PCSK5: variants seen among roughly 807,000 people sequenced by gnomAD.
PCSK5 encodes the protein proprotein convertase subtilisin/kexin type 5.
A neutral mutation model predicts 233.2 loss-of-function variants in PCSK5; 129 were observed. The ratio of observed to expected loss-of-function variants is 0.55; its 90% CI spans 0.48 to 0.64. The LOEUF is 0.64. Among genes scored for constraint, PCSK5 ranks in the 30% least tolerant of loss-of-function variants. The pLI, the probability that PCSK5 is intolerant of heterozygous loss-of-function variation, is 0.00. For missense variants in PCSK5, 2,076 were observed against 2,430.1 expected (o/e 0.85, Z 3.06); for synonymous variants, 825 against 879.2 (o/e 0.94, Z 1.09).
chr9:76,035,125 G>T (rs1828807218), intron 5 of PCSK5, among the ~76,000 whole-genome samples: 1 of 152,098 alleles, frequency 6.6e-6, no homozygotes, highest in Non-Finnish European at 1.5e-5. Context: ...TTCTTCTCAG[G>T]TTATCTATTA....
Position 75,932,444 on chromosome 9 carries a change from G to A in PCSK5, c.258G>A (p.Ser86=), listed in dbSNP as rs753996764. 6.1e-5 allele frequency: 98 copies of A among 1,612,810 alleles called. No homozygotes were observed. The Middle Eastern group carries it at 6.6e-4, about 11-fold the overall frequency. ...HSRTIKRSVI[S]SRGTHSFISM... ...GGACGATTAAAAGGTCAGTTATCTCGAGCAGAGGGACCCACAGTTTCATTT... is the reference window on the plus strand; with the variant it reads ...GGACGATTAAAAGGTCAGTTATCTCAAGCAGAGGGACCCACAGTTTCATTT... The change falls in exon 2 of 38, where the codon TCG becomes TCA. Residue 86 remains serine (S), a synonymous_variant. Transcript: ENST00000674117.
intron 22 of PCSK5, among the ~76,000 whole-genome samples, chr9:76,238,168 G>A (rs1826310228): frequency 6.6e-6 from 1 of 152,194 alleles, no homozygotes; most frequent in Non-Finnish European, 1.5e-5. Flanking sequence ...GGTGGGAGTA[G>A]GAGACCTCTA....
intron 3 of PCSK5, among the ~76,000 whole-genome samples, chr9:75,998,397 A>T (rs1050453412): frequency 2.0e-5 from 3 of 152,192 alleles, no homozygotes; most frequent in Admixed American, 2.0e-4. Flanking sequence ...GCTTACTTTG[A>T]ATCAGGTGGT....
intron 8 of PCSK5, among the ~76,000 whole-genome samples, chr9:76,098,176 T>G (rs1472254895): frequency 2.0e-5 from 3 of 152,218 alleles, no homozygotes; most frequent in Non-Finnish European, 4.4e-5. Flanking sequence ...TGTAGATTGA[T>G]TTAGGTAAAA....
intron 24 of PCSK5, among the ~76,000 whole-genome samples, chr9:76,267,737 G>C (rs538186224): frequency 2.0e-5 from 3 of 152,182 alleles, no homozygotes; most frequent in Non-Finnish European, 4.4e-5. Flanking sequence ...GAACCATTTA[G>C]ATGAAGTATG....
At position 76,249,488 on chromosome 9, in the gene PCSK5, A is replaced by T. The variant is rs148399583; in HGVS notation, c.3142+8804A>T. Among the ~76,000 whole-genome samples, 749 of 152,344 alleles carry T rather than the reference A, an allele frequency of 4.9e-3. 7 individuals are homozygous for T. The highest frequency in any genetic ancestry group is 0.017 in the African/African-American group (720 of 41,568). ...AGTATTTTTATTTTTATTTTGAGAC[A>T]GTGCTCTATGTCTGAAGTGCTCTGT... On this transcript the variant is annotated intron_variant, in intron 24 of 37. Transcript: ENST00000674117.
intron 7 of PCSK5, among the ~76,000 whole-genome samples, chr9:76,081,484 CAAATAAATAAAT>C (rs927683255): frequency 6.7e-5 from 10 of 149,570 alleles, no homozygotes; most frequent in Non-Finnish European, 4.5e-5. Flanking sequence ...AACAAACAAA[CAAATAAATAAAT>C]AAATAAATAC....
At chr9:75,920,316 TG>T (rs1292217831) in intron 1 of PCSK5, among the ~76,000 whole-genome samples, 9 of 151,972 alleles carry the variant, frequency 5.9e-5, no homozygotes, top group Non-Finnish European at 1.3e-4. Context: ...TTTTAAGAGG[TG>T]GGGGTCTCTA....
At chr9:75,990,188 G>C (rs1456462672) in intron 3 of PCSK5, among the ~76,000 whole-genome samples, 1 of 152,126 alleles carries the variant, frequency 6.6e-6, no homozygotes. Flanking sequence ...CTTTTCCTGA[G>C]CCCTGAGCTG....
chr9:75,964,014 A>G lies in PCSK5; in HGVS notation c.298-22118A>G, dbSNP rs548855592. Among the ~76,000 whole-genome samples, 268 of 152,330 alleles carry G rather than the reference A, an allele frequency of 1.8e-3. 2 individuals carry two copies. Among genetic ancestry groups the G allele is most frequent in the Admixed American group, 7.5e-3 (115 of 15,300 alleles). ...TGGACACTTTGCTTAACCTTTTTGA[A>G]TCTCAGTTTCTCTATCTGGAAAATG... is the stretch of plus-strand genomic sequence containing the variant. On this transcript the variant is annotated intron_variant, in intron 2 of 37. Transcript: ENST00000674117.
At chr9:76,093,221 A>C (rs1171182650) in intron 7 of PCSK5, among the ~76,000 whole-genome samples, 1 of 151,632 alleles carries the variant, frequency 6.6e-6, no homozygotes, top group Non-Finnish European at 1.5e-5. Context: ...CAGCCCCTAA[A>C]ATAGCTGAGA....
Position 76,358,074 on chromosome 9 carries a change from A to C in PCSK5, c.5255-439A>C, listed in dbSNP as rs149090946. Among the ~76,000 whole-genome samples the C allele has an allele frequency of 4.1e-3, 617 of 152,322 alleles. 1 individual carries two copies. Among genetic ancestry groups the C allele is most frequent in the Non-Finnish European group, 6.7e-3 (458 of 68,034 alleles). On this transcript the variant is annotated intron_variant, in intron 37 of 37. Transcript: ENST00000674117. ...TTGGACACCTGGTGACTGACCTACG[A>C]GGTATGGGGATAAGGGAACTCCCTT... is the stretch of plus-strand genomic sequence containing the variant.
chr9:76,289,512 CAACA>C (rs1828211350), intron 24 of PCSK5, among the ~76,000 whole-genome samples: 1 of 79,960 alleles, frequency 1.3e-5, no homozygotes, highest in Admixed American at 1.2e-4. Context: ...CACACACACG[CAACA>C]TACACACACA....
chr9:76,113,401 C>A (rs1397786721), intron 9 of PCSK5, among the ~76,000 whole-genome samples: 1 of 152,162 alleles, frequency 6.6e-6, no homozygotes, highest in Admixed American at 6.5e-5. Flanking sequence ...TCTTGTAAAC[C>A]TAAAAAGTCC....
rs149423204 is a variant in PCSK5 at position 76,239,362 on chromosome 9, C to A, written c.3073+197C>A. 5.9e-5 allele frequency among the ~76,000 whole-genome samples: 9 copies of A among 152,252 alleles called. No homozygotes were observed. The East Asian group carries it at 1.7e-3, about 29-fold the overall frequency. ...GTTCACACACCCTTTCTCTGGGTTT[C>A]CTCAGATATAATCCAAGGTCATAGG... On this transcript the variant is annotated intron_variant, in intron 23 of 37. Coordinates refer to ENST00000674117, the MANE Select transcript of PCSK5 (RefSeq NM_001372043.1).
chr9:76,269,789 A>AT (rs1827451413), intron 24 of PCSK5, among the ~76,000 whole-genome samples: 1 of 152,222 alleles, frequency 6.6e-6, no homozygotes, highest in African/African-American at 2.4e-5. Context: ...CAAGAGAAAC[A>AT]TTTTTGAAGA....
At chr9:75,947,440 C>T (rs2275557) in intron 2 of PCSK5, among the ~76,000 whole-genome samples, 4,421 of 151,954 alleles carry the variant, frequency 0.029, 94 homozygotes, top group Middle Eastern at 0.085. Context: ...TTAATCCTTT[C>T]GCAAAGCTAA....
At chr9:76,100,215 A>T (rs1270124467) in intron 8 of PCSK5, among the ~76,000 whole-genome samples, 1 of 152,256 alleles carries the variant, frequency 6.6e-6, no homozygotes, top group Admixed American at 6.5e-5. Context: ...AAAGATTACT[A>T]TGAAAGAAGC....
At chr9:76,130,458 T>A (rs1193850568) in intron 9 of PCSK5, among the ~76,000 whole-genome samples, 3 of 152,206 alleles carry the variant, frequency 2.0e-5, no homozygotes, top group African/African-American at 7.2e-5. Flanking sequence ...TTCTACTTAC[T>A]ACCTGTGTAT....
Sources: gnomAD v4.1 joint callset for allele counts (sites outside exome capture counted in the v4.1 genomes callset) on GRCh38, gnomAD v4.1.1 for gene constraint, MANE v1.5 for transcripts, NCBI Gene and HGNC (gene_info 2026-07-23, HGNC 2026-07-21) for gene names.